MCF2L2: variants seen among roughly 807,000 people sequenced by gnomAD.
MCF2L2 encodes the protein probable guanine nucleotide exchange factor MCF2L2.
Under a neutral mutation model 150.2 loss-of-function variants are expected in MCF2L2, and 102 were observed. That is an observed-to-expected ratio of 0.68 (90% CI 0.58 to 0.80). The LOEUF (loss-of-function observed/expected upper bound fraction) is 0.80, where lower values mean the gene tolerates loss of function less well. Among genes scored for constraint, MCF2L2 ranks in the 30% least tolerant of loss-of-function variants. The pLI is 0.00. For missense variants in MCF2L2, 1,256 were observed against 1,372.8 expected (o/e 0.91, Z 1.34); for synonymous variants, 465 against 491.3 (o/e 0.95, Z 0.71).
chr3:183,302,203 A>G (rs572346208), intron 10 of MCF2L2, among the ~76,000 whole-genome samples: 23 of 152,226 alleles, frequency 1.5e-4, no homozygotes, highest in Non-Finnish European at 2.6e-4. Context: ...GGTTTCCTCC[A>G]GACTTCACCT....
At chr3:183,391,320 C>G (rs966396152) in intron 1 of MCF2L2, among the ~76,000 whole-genome samples, 6 of 151,726 alleles carry the variant, frequency 4.0e-5, no homozygotes, top group African/African-American at 1.5e-4. Flanking sequence ...GCTTAAGCCC[C>G]AAGATCCCCT....
chr3:183,228,028 T>TACAC (rs58313216), intron 18 of MCF2L2: 2 of 236,338 alleles, frequency 8.5e-6, no homozygotes, highest in African/African-American at 2.2e-5. Context: ...TATATACATA[T>TACAC]ACACACACAC....
At chr3:183,323,128 TCAGGCAGTCA>T (rs1729880290) in intron 6 of MCF2L2, 97 bp downstream of exon 6, 1 of 710,898 alleles carries the variant, frequency 1.4e-6, no homozygotes, top group Non-Finnish European at 2.4e-6. Flanking sequence ...CACCCCAAGG[TCAGGCAGTCA>T]CAGGGTGACC....
At chr3:183,192,084 C>T (rs570956356) in intron 27 of MCF2L2, among the ~76,000 whole-genome samples, 44 of 151,030 alleles carry the variant, frequency 2.9e-4, no homozygotes, top group Non-Finnish European at 5.5e-4. Flanking sequence ...CTCCTGACCT[C>T]GTGATCCTCC....
chr3:183,357,988 G>A (rs1318639743), intron 3 of MCF2L2, among the ~76,000 whole-genome samples: 1 of 152,170 alleles, frequency 6.6e-6, no homozygotes, highest in African/African-American at 2.4e-5. Context: ...ACATCTTACA[G>A]AAGAGTATGG....
At chr3:183,358,819 C>T (rs1313287357) in intron 3 of MCF2L2, among the ~76,000 whole-genome samples, 1 of 152,012 alleles carries the variant, frequency 6.6e-6, no homozygotes, top group African/African-American at 2.4e-5. Context: ...GAGACAGGGT[C>T]TTGCCGTGTT....
At chr3:183,327,377 A>G (rs1730094533) in intron 5 of MCF2L2, among the ~76,000 whole-genome samples, 1 of 152,170 alleles carries the variant, frequency 6.6e-6, no homozygotes, top group African/African-American at 2.4e-5. Context: ...CCAATAGGCC[A>G]GGGAAGACTG....
At chr3:183,345,826 C>T (rs181203398) in intron 3 of MCF2L2, among the ~76,000 whole-genome samples, 14 of 152,084 alleles carry the variant, frequency 9.2e-5, no homozygotes, top group African/African-American at 2.6e-4. Context: ...CTAGAAGAAA[C>T]GGATAAATTC....
chr3:183,400,309 A>G, intron 1 of MCF2L2: 2 of 388,224 alleles, frequency 5.2e-6, no homozygotes, highest in Non-Finnish European at 1.0e-5. Context: ...AGGAGAAATA[A>G]AACACATACA....
chr3:183,285,328 T>TA (rs1397635239), intron 14 of MCF2L2, among the ~76,000 whole-genome samples: 5 of 152,228 alleles, frequency 3.3e-5, no homozygotes, highest in African/African-American at 1.2e-4. Context: ...CACAAGAGAT[T>TA]AAATAAGCTG....
intron 6 of MCF2L2, among the ~76,000 whole-genome samples, chr3:183,319,368 TGAAC>T (rs1729724311): frequency 6.6e-6 from 1 of 152,214 alleles, no homozygotes; most frequent in South Asian, 2.1e-4. Flanking sequence ...ACTAAAGTCT[TGAAC>T]CCTTCAAAGT....
At chr3:183,413,378 A>T (rs948213597) in intron 1 of MCF2L2, among the ~76,000 whole-genome samples, 5 of 152,218 alleles carry the variant, frequency 3.3e-5, no homozygotes, top group African/African-American at 1.2e-4. Context: ...TAAGAAAATC[A>T]TAAGAGAAAA....
intron 1 of MCF2L2, among the ~76,000 whole-genome samples, chr3:183,419,919 C>A (rs964026502): frequency 6.6e-6 from 1 of 152,168 alleles, no homozygotes; most frequent in Non-Finnish European, 1.5e-5. Context: ...ATTTCTTCTG[C>A]CAGATACCCT....
rs894307832 is a variant in MCF2L2, at chr3:183,225,338, T to G, written c.2116-1148A>C. On this transcript the variant is annotated intron_variant, in intron 18 of 29. Transcript: ENST00000328913. ...GCCCTTGAAAAATGTTCAGACTGGT[T>G]AAGGAGCTAGAATAATAACTCAGAG... 4 of 152,234 alleles carry G rather than the reference T, an allele frequency of 2.6e-5. 1 individual carries two copies. Among genetic ancestry groups the G allele is most frequent in the Non-Finnish European group, 5.9e-5 (4 of 68,050 alleles). 9.4% of individuals were successfully genotyped at this position (152,234 alleles called of 1,614,324 possible).
chr3:183,345,369 A>G (rs1372939048), intron 3 of MCF2L2, among the ~76,000 whole-genome samples: 1 of 152,218 alleles, frequency 6.6e-6, no homozygotes, highest in Non-Finnish European at 1.5e-5. Context: ...CTTTGAAACC[A>G]CTGAGAACAA....
intron 1 of MCF2L2, among the ~76,000 whole-genome samples, chr3:183,408,072 A>C (rs186233233): frequency 2.4e-4 from 36 of 152,010 alleles, no homozygotes; most frequent in African/African-American, 8.2e-4. Flanking sequence ...GCTAGACGGT[A>C]AACATTTGCT....
chr3:183,407,314 T>TA (rs11343628), intron 1 of MCF2L2, among the ~76,000 whole-genome samples: 23 of 151,784 alleles, frequency 1.5e-4, no homozygotes, highest in African/African-American at 3.9e-4. Context: ...TGTACTCTTT[T>TA]AAAAAAAAAT....
At chr3:183,336,698 G>A (rs1479758343) in intron 5 of MCF2L2, among the ~76,000 whole-genome samples, 1 of 150,948 alleles carries the variant, frequency 6.6e-6, no homozygotes, top group Non-Finnish European at 1.5e-5. Context: ...TACTAAAAAT[G>A]CAAAAATTAC....
At chr3:183,410,446 G>T (rs1382450391) in intron 1 of MCF2L2, among the ~76,000 whole-genome samples, 1 of 152,202 alleles carries the variant, frequency 6.6e-6, no homozygotes, top group Non-Finnish European at 1.5e-5. Context: ...GGGTGACTCA[G>T]CCAGTGTTAA....
Sources: gnomAD v4.1 joint callset for allele counts (sites outside exome capture counted in the v4.1 genomes callset) on GRCh38, gnomAD v4.1.1 for gene constraint, MANE v1.5 for transcripts, NCBI Gene and HGNC (gene_info 2026-07-23, HGNC 2026-07-21) for gene names.